The following CNTN6 variants were observed in gnomAD, a reference collection of about 807,000 sequenced individuals.
The protein encoded by CNTN6 is contactin 6, also known as contactin-6.
A neutral mutation model predicts 122.8 loss-of-function variants in CNTN6; 137 were observed. The ratio of observed to expected loss-of-function variants is 1.12; its 90% confidence interval spans 0.97 to 1.29. The LOEUF (loss-of-function observed/expected upper bound fraction) is 1.29, where lower values mean the gene tolerates loss of function less well. CNTN6 is among the 50% of genes most tolerant of loss of function. The probability of loss-of-function intolerance (pLI) is 0.00; values close to 1 mark genes in which losing one functional copy is unlikely to be tolerated. For missense variants in CNTN6, 1,634 were observed against 1,223.4 expected (o/e 1.34, Z -5.01); for synonymous variants, 570 against 426.0 (o/e 1.34, Z -4.16).
At chr3:1,321,080 T>C (rs115557892) in intron 7 of CNTN6, among the ~76,000 whole-genome samples, 117 of 151,788 alleles carry the variant, frequency 7.7e-4, no homozygotes, top group African/African-American at 2.6e-3. Flanking sequence ...GGGTCTGTTT[T>C]ATAGTGCTGT....
At chr3:1,245,934 A>T (rs970294444) in intron 4 of CNTN6, among the ~76,000 whole-genome samples, 55 of 152,112 alleles carry the variant, frequency 3.6e-4, no homozygotes, top group African/African-American at 1.2e-3. Context: ...ATTGCAAAAA[A>T]ATCTCATAAC....
intron 7 of CNTN6, among the ~76,000 whole-genome samples, chr3:1,312,041 G>C (rs1358456599): frequency 6.6e-6 from 1 of 151,830 alleles, no homozygotes; most frequent in African/African-American, 2.4e-5. Context: ...TAGAAAATTA[G>C]GATTATTGGT....
chr3:1,259,414 C>T (rs1413635901), intron 4 of CNTN6, among the ~76,000 whole-genome samples: 1 of 152,022 alleles, frequency 6.6e-6, no homozygotes, highest in Non-Finnish European at 1.5e-5. Context: ...ATATTTTTGT[C>T]TAAGTAAGTT....
At chr3:1,353,837 G>A (rs1706080964) in intron 12 of CNTN6, among the ~76,000 whole-genome samples, 1 of 151,550 alleles carries the variant, frequency 6.6e-6, no homozygotes, top group African/African-American at 2.4e-5. Context: ...TCTAGGTATG[G>A]AAAAATCCAG....
In CNTN6 at chr3:1,256,846, C is replaced by G. The variant is rs151117136; in HGVS notation, c.359-21567C>G. 2.3e-3 allele frequency among the ~76,000 whole-genome samples: 352 copies of G among 152,078 alleles called. 2 individuals carry two copies. Among genetic ancestry groups the G allele is most frequent in the Middle Eastern group, 0.014 (4 of 294 alleles). On this transcript the variant is annotated intron_variant, in intron 4 of 22. Coordinates refer to ENST00000446702, the MANE Select transcript of CNTN6 (RefSeq NM_001289080.2). ...CATTAGACAGTAATAAAATAACTAT[C>G]TATTATATACTTCTTTACTCATTTG... is the stretch of plus-strand genomic sequence containing the variant.
chr3:1,277,360 T>C (rs866286254), intron 4 of CNTN6, among the ~76,000 whole-genome samples: 2,036 of 129,342 alleles, frequency 0.016, 44 homozygotes, highest in South Asian at 0.023. Context: ...TTTTTTTTTT[T>C]TTTTTTTTTT....
At chr3:1,208,110 C>T (rs1039449011) in intron 2 of CNTN6, among the ~76,000 whole-genome samples, 1 of 152,026 alleles carries the variant, frequency 6.6e-6, no homozygotes, top group African/African-American at 2.4e-5. Context: ...TAAATAATCT[C>T]CTTGATCTGT....
At chr3:1,328,656 T>C (rs1293028992) in intron 10 of CNTN6, among the ~76,000 whole-genome samples, 1 of 151,768 alleles carries the variant, frequency 6.6e-6, no homozygotes, top group South Asian at 2.1e-4. Context: ...ATAACCTACA[T>C]TGAGGACATT....
At chr3:1,187,946 C>T (rs1193796463) in intron 2 of CNTN6, among the ~76,000 whole-genome samples, 1 of 152,138 alleles carries the variant, frequency 6.6e-6, no homozygotes, top group African/African-American at 2.4e-5. Flanking sequence ...TGGTGGTCCA[C>T]ACCTCGAAAG....
chr3:1,313,914 C>A (rs540414969), intron 7 of CNTN6, among the ~76,000 whole-genome samples: 1 of 151,932 alleles, frequency 6.6e-6, no homozygotes, highest in Non-Finnish European at 1.5e-5. Flanking sequence ...AAAACAAGCT[C>A]CCTCCGATCT....
intron 1 of CNTN6, among the ~76,000 whole-genome samples, chr3:1,121,597 T>C (rs1039235583): frequency 2.0e-5 from 3 of 151,944 alleles, no homozygotes; most frequent in Non-Finnish European, 1.5e-5. Flanking sequence ...TCTTTGTATA[T>C]AGTCAGAATG....
At position 1,389,147 on chromosome 3, in the gene CNTN6, T is replaced by C. The variant is rs559580952; in HGVS notation, c.2704+3350T>C. On this transcript the variant is annotated intron_variant, in intron 20 of 22. Coordinates refer to ENST00000446702, the MANE Select transcript of CNTN6 (RefSeq NM_001289080.2). ...AAAGTTGAAATGAAGGAAAAAATGT[T>C]AACGGCAGCCAGAGAGAAAGGTCGG... Among the ~76,000 whole-genome samples, 8 of 145,542 alleles carry C rather than the reference T, an allele frequency of 5.5e-5. No homozygotes were observed. In the East Asian group the frequency reaches 8.0e-4, roughly 15 times the overall value.
chr3:1,351,172 T>G (rs1705571628), intron 11 of CNTN6, among the ~76,000 whole-genome samples: 1 of 151,976 alleles, frequency 6.6e-6, no homozygotes, highest in Non-Finnish European at 1.5e-5. Context: ...GCTGGCTTCC[T>G]GCAAATTGTC....
At chr3:1,339,387 A>G (rs17037988) in intron 11 of CNTN6, among the ~76,000 whole-genome samples, 4,031 of 152,268 alleles carry the variant, frequency 0.026, 85 homozygotes, top group South Asian at 0.053. Flanking sequence ...TTATAAGTAT[A>G]GTGGCAAACC....
chr3:1,135,334 A>C (rs1012959214), intron 1 of CNTN6, among the ~76,000 whole-genome samples: 3 of 152,172 alleles, frequency 2.0e-5, no homozygotes, highest in Non-Finnish European at 4.4e-5. Flanking sequence ...CAAGATTGAC[A>C]ATGGGAGCAC....
chr3:1,316,682 C>G (rs1237192485), intron 7 of CNTN6, among the ~76,000 whole-genome samples: 1 of 151,828 alleles, frequency 6.6e-6, no homozygotes, highest in Non-Finnish European at 1.5e-5. Flanking sequence ...ACATTTCTCT[C>G]TTTACTACAT....
At chr3:1,250,508 A>G (rs2094647752) in intron 4 of CNTN6, among the ~76,000 whole-genome samples, 1 of 152,060 alleles carries the variant, frequency 6.6e-6, no homozygotes, top group Non-Finnish European at 1.5e-5. Context: ...CAAAACACAC[A>G]TCCTCACTCC....
chr3:1,185,729 C>T (rs1255181254), intron 2 of CNTN6, among the ~76,000 whole-genome samples: 1 of 152,184 alleles, frequency 6.6e-6, no homozygotes, highest in Admixed American at 6.6e-5. Flanking sequence ...CAAATCCTTG[C>T]TGTGCCCCTC....
At chr3:1,248,960 T>C (rs73818513) in intron 4 of CNTN6, among the ~76,000 whole-genome samples, 13,922 of 152,260 alleles carry the variant, frequency 0.091, 1,015 homozygotes, top group East Asian at 0.33. Context: ...TCAAATTTAA[T>C]GTGCACAGGA....
Sources: gnomAD v4.1 joint callset for allele counts (sites outside exome capture counted in the v4.1 genomes callset) on GRCh38, gnomAD v4.1.1 for gene constraint, MANE v1.5 for transcripts, NCBI Gene and HGNC (gene_info 2026-07-23, HGNC 2026-07-21) for gene names.